Variants in CNBD1 observed in about 807,000 individuals in gnomAD.
CNBD1 encodes the protein cyclic nucleotide-binding domain-containing protein 1.
CNBD1 carries 71 observed loss-of-function variants against 54.4 expected under a neutral mutation model. That is an observed-to-expected ratio of 1.30 (90% CI 1.08 to 1.59). The LOEUF is 1.59. Ranked by LOEUF, CNBD1 falls within the 40% of genes most tolerant of loss-of-function variation. CNBD1 has a pLI of 0.00. For synonymous variants in CNBD1, 182 were observed against 170.7 expected, an observed-to-expected ratio of 1.07 and a Z score of -0.51; for missense variants, 659 against 518.0, an observed-to-expected ratio of 1.27 and a Z score of -2.64.
At chr8:87,426,769 G>T (rs1187198674) in intron 2 of CNBD1, among the ~76,000 whole-genome samples, 1 of 152,116 alleles carries the variant, frequency 6.6e-6, no homozygotes, top group Non-Finnish European at 1.5e-5. Context: ...AATCAAATTT[G>T]AGTTTCCTTG....
chr8:87,385,814 G>A (rs965036591), downstream of CNBD1, among the ~76,000 whole-genome samples: 2 of 152,156 alleles, frequency 1.3e-5, no homozygotes. Context: ...CGGACAGACT[G>A]CCTCCTCAAG....
At chr8:87,171,442 T>C (rs1287762052) in intron 4 of CNBD1, among the ~76,000 whole-genome samples, 1 of 151,712 alleles carries the variant, frequency 6.6e-6, no homozygotes, top group Non-Finnish European at 1.5e-5. Flanking sequence ...TTGTCCATTT[T>C]ATCTTTAAAA....
chr8:87,162,912 A>T (rs1481885821), intron 4 of CNBD1, among the ~76,000 whole-genome samples: 2 of 152,024 alleles, frequency 1.3e-5, no homozygotes, highest in African/African-American at 2.4e-5. Flanking sequence ...TTCCCTCCTG[A>T]ATTGGATTAG....
chr8:87,109,865 C>G (rs1167340550), intron 4 of CNBD1, among the ~76,000 whole-genome samples: 1 of 152,034 alleles, frequency 6.6e-6, no homozygotes, highest in East Asian at 1.9e-4. Context: ...ACACAGAATC[C>G]TGAGCTACAT....
chr8:87,365,081 A>G (rs552746272), intron 10 of CNBD1, among the ~76,000 whole-genome samples: 3 of 152,152 alleles, frequency 2.0e-5, no homozygotes, highest in African/African-American at 4.8e-5. Context: ...GCTTTCTATA[A>G]TGGTTGAACC....
Position 87,353,787 on chromosome 8 carries a change from G to T in CNBD1, c.1303+1G>T. ...ATCATTGAAGATAAGGACCTATTTG[G>T]TAAATGCATAAATATCTTTTAACTG... On this transcript the variant is annotated splice_donor_variant, in intron 10 of 10. Transcript: ENST00000518476. LOFTEE classifies it high-confidence loss of function. The T allele has an allele frequency of 6.3e-7, 1 of 1,593,694 alleles. No homozygotes were observed.
intron 4 of CNBD1, among the ~76,000 whole-genome samples, chr8:87,042,779 AAATAT>A (rs770958252): frequency 3.9e-5 from 6 of 152,194 alleles, no homozygotes; most frequent in African/African-American, 1.4e-4. Context: ...GTAAATATAT[AAATAT>A]AATATGTAAA....
chr8:86,952,518 A>G (rs900705559), intron 4 of CNBD1, among the ~76,000 whole-genome samples: 1 of 152,036 alleles, frequency 6.6e-6, no homozygotes, highest in Non-Finnish European at 1.5e-5. Context: ...TATTTATCCA[A>G]TATATATTTG....
At chr8:86,953,049 T>TG (rs1807667257) in intron 4 of CNBD1, among the ~76,000 whole-genome samples, 1 of 152,248 alleles carries the variant, frequency 6.6e-6, no homozygotes, top group African/African-American at 2.4e-5. Flanking sequence ...TGATCCATGT[T>TG]GTGTTGCATA....
At chr8:87,239,880 A>G (rs1807658684) in intron 6 of CNBD1, among the ~76,000 whole-genome samples, 1 of 152,080 alleles carries the variant, frequency 6.6e-6, no homozygotes, top group African/African-American at 2.4e-5. Flanking sequence ...AGAGTTGATT[A>G]TATAAGGAAA....
At chr8:87,087,247 G>GTATATATATATATATACGTA (rs35466004) in intron 4 of CNBD1, among the ~76,000 whole-genome samples, 4 of 132,150 alleles carry the variant, frequency 3.0e-5, no homozygotes, top group African/African-American at 8.8e-5. Flanking sequence ...ATATATATAC[G>GTATATATATATATATACGTA]TATATATATA....
intron 5 of CNBD1, among the ~76,000 whole-genome samples, chr8:87,222,287 T>C (rs982127635): frequency 6.6e-6 from 1 of 151,828 alleles, no homozygotes; most frequent in Admixed American, 6.6e-5. Context: ...GGATCATTAA[T>C]TAAGCTTTCA....
chr8:86,962,568 G>A (rs112948629), intron 4 of CNBD1, among the ~76,000 whole-genome samples: 28 of 152,094 alleles, frequency 1.8e-4, no homozygotes, highest in African/African-American at 5.8e-4. Context: ...GGCACATCAC[G>A]AGGTCAGGAG....
chr8:86,929,930 A>G (rs552659692), intron 3 of CNBD1, among the ~76,000 whole-genome samples: 37 of 152,322 alleles, frequency 2.4e-4, no homozygotes, highest in African/African-American at 8.9e-4. Flanking sequence ...TAAGGACTCC[A>G]AGAGCTATTC....
intron 4 of CNBD1, among the ~76,000 whole-genome samples, chr8:87,192,454 G>A (rs1304300599): frequency 2.0e-5 from 3 of 152,142 alleles, no homozygotes; most frequent in Non-Finnish European, 4.4e-5. Context: ...GGCTAAAGTG[G>A]ATGGAAATCT....
In CNBD1 at chr8:87,272,662, C is replaced by T. The variant is rs1427877120; in HGVS notation, c.772-12016C>T. Among the ~76,000 whole-genome samples, 3 of 152,026 alleles carry T rather than the reference C, an allele frequency of 2.0e-5. No homozygotes were observed. The South Asian group carries it at 6.2e-4, about 32-fold the overall frequency. On this transcript the variant is annotated intron_variant, in intron 6 of 10. Transcript: ENST00000518476. ...ATCATATCAGAGCAGTCAATTTATA[C>T]ATGGATAAAGCATATAACAAATGAA...
At chr8:87,426,662 G>T (rs1402766871) in intron 2 of CNBD1, among the ~76,000 whole-genome samples, 1 of 152,068 alleles carries the variant, frequency 6.6e-6, no homozygotes, top group African/African-American at 2.4e-5. Context: ...GTAAAATTGT[G>T]GCGCGGCTAC....
At chr8:87,147,184 GTACTAAATGCCTTATTT>G (rs1488446956) in intron 4 of CNBD1, among the ~76,000 whole-genome samples, 6 of 152,004 alleles carry the variant, frequency 3.9e-5, no homozygotes, top group Non-Finnish European at 8.8e-5. Flanking sequence ...TAGTCACTCT[GTACTAAATGCCTTATTT>G]TTTCTCTATG....
chr8:87,309,287 T>C (rs887977658), intron 8 of CNBD1, among the ~76,000 whole-genome samples: 4 of 152,172 alleles, frequency 2.6e-5, no homozygotes, highest in Non-Finnish European at 5.9e-5. Context: ...ACTAGGATAA[T>C]ATAATCGGTT....
Sources: gnomAD v4.1 joint callset for allele counts (sites outside exome capture counted in the v4.1 genomes callset) on GRCh38, gnomAD v4.1.1 for gene constraint, MANE v1.5 for transcripts, NCBI Gene and HGNC (gene_info 2026-07-23, HGNC 2026-07-21) for gene names.